NAALADL2: variants seen among roughly 807,000 people sequenced by gnomAD.
NAALADL2 encodes inactive N-acetylated-alpha-linked acidic dipeptidase-like protein 2.
NAALADL2 carries 76 observed loss-of-function variants against 87.2 expected under a neutral mutation model. The ratio of observed to expected loss-of-function variants is 0.87; its 90% confidence interval spans 0.72 to 1.05. The LOEUF (loss-of-function observed/expected upper bound fraction) is 1.05. Ranked by LOEUF, NAALADL2 falls within the 50% of genes least tolerant of loss-of-function variation. The pLI is 0.00. For missense variants in NAALADL2, 1,089 were observed against 945.8 expected (o/e 1.15, Z -1.99); for synonymous variants, 354 against 331.0 (o/e 1.07, Z -0.75).
intron 11 of NAALADL2, among the ~76,000 whole-genome samples, chr3:175,650,493 T>A (rs1297053967): frequency 1.3e-5 from 2 of 152,208 alleles, no homozygotes; most frequent in African/African-American, 4.8e-5. Flanking sequence ...TTGTGGTGTA[T>A]AACTATACCT....
At chr3:175,322,417 C>T (rs1348538607) in intron 4 of NAALADL2, among the ~76,000 whole-genome samples, 1 of 108,700 alleles carries the variant, frequency 9.2e-6, no homozygotes, top group Non-Finnish European at 1.8e-5. Flanking sequence ...CCATTCAGGA[C>T]ATAGGCATGG....
chr3:175,422,787 T>C (rs1364078268), intron 5 of NAALADL2, among the ~76,000 whole-genome samples: 1 of 151,906 alleles, frequency 6.6e-6, no homozygotes, highest in Non-Finnish European at 1.5e-5. Flanking sequence ...ATTGAACACA[T>C]AGTTCATTCT....
Position 175,667,231 on chromosome 3 carries a change from G to GAA in NAALADL2, c.1896+39847_1896+39848dup, listed in dbSNP as rs749819390. Among the ~76,000 whole-genome samples the GAA allele has an allele frequency of 3.7e-3, 433 of 116,576 alleles. 2 individuals are homozygous for GAA. Among genetic ancestry groups the GAA allele is most frequent in the African/African-American group, 0.018 (411 of 23,298 alleles). 76.5% of individuals were successfully genotyped at this position (116,576 alleles called of 152,430 possible). On this transcript the variant is annotated intron_variant, in intron 11 of 13. Coordinates refer to ENST00000454872, the MANE Select transcript of NAALADL2 (RefSeq NM_207015.3). ...AGAAAGAAAGAAAGAAAGAAAGAAAGAAAGAAAGAAAAAGAAAGAAAGAAA... is the reference window on the plus strand; with the variant it reads ...AGAAAGAAAGAAAGAAAGAAAGAAAGAAAAAGAAAGAAAAAGAAAGAAAGAAA...
chr3:175,450,394 A>G (rs1462175982), intron 6 of NAALADL2, among the ~76,000 whole-genome samples: 1 of 152,204 alleles, frequency 6.6e-6, no homozygotes, highest in Admixed American at 6.5e-5. Context: ...TTAGTGTCAG[A>G]AAATCTTCAC....
intron 8 of NAALADL2, among the ~76,000 whole-genome samples, chr3:175,469,957 T>G (rs557860381): frequency 6.6e-6 from 1 of 152,248 alleles, no homozygotes; most frequent in South Asian, 2.1e-4. Flanking sequence ...TATGTGCGCT[T>G]AAAATGTTTA....
At chr3:175,376,391 A>G (rs1206621380) in intron 5 of NAALADL2, among the ~76,000 whole-genome samples, 1 of 152,080 alleles carries the variant, frequency 6.6e-6, no homozygotes, top group Non-Finnish European at 1.5e-5. Flanking sequence ...AAGGATATTT[A>G]TAATATAGAA....
At chr3:174,620,422 ATGTGTGTTT>A (rs1262574964) in intron 2 of NAALADL2, among the ~76,000 whole-genome samples, 3 of 137,968 alleles carry the variant, frequency 2.2e-5, no homozygotes, top group Admixed American at 7.1e-5. Context: ...CTTTCAGTTT[ATGTGTGTTT>A]TTTGTTTTGT....
At position 175,181,222 on chromosome 3, in the gene NAALADL2, A is replaced by T. The variant is rs115621706; in HGVS notation, c.546-52709A>T. Among the ~76,000 whole-genome samples the T allele has an allele frequency of 5.4e-3, 814 of 152,146 alleles. 3 individuals carry two copies. Among genetic ancestry groups the T allele is most frequent in the African/African-American group, 0.019 (776 of 41,536 alleles). ...CACAGTGTAGTACCAAACCCCCTGA[A>T]ATCATATATTTGAAAATAGCTAACT... On this transcript the variant is annotated intron_variant, in intron 2 of 13. Coordinates refer to ENST00000454872, the MANE Select transcript of NAALADL2 (RefSeq NM_207015.3).
chr3:175,306,269 C>T (rs1003845594), intron 4 of NAALADL2, among the ~76,000 whole-genome samples: 2 of 152,068 alleles, frequency 1.3e-5, no homozygotes, highest in African/African-American at 4.8e-5. Flanking sequence ...GAAAATGATG[C>T]TATTTTACAT....
chr3:175,322,183 G>A lies in NAALADL2; in HGVS notation c.940-1992G>A, dbSNP rs972775529. On this transcript the variant is annotated intron_variant, in intron 4 of 13. Coordinates refer to ENST00000454872, the MANE Select transcript of NAALADL2 (RefSeq NM_207015.3). ...GAACAGAGCCCTCAGAAATAATGCC[G>A]CATACCTACAACTATCTGATCTTTG... 1.5e-3 allele frequency among the ~76,000 whole-genome samples: 223 copies of A among 150,990 alleles called. 2 individuals are homozygous for A. Among genetic ancestry groups the A allele is most frequent in the Admixed American group, 3.6e-3 (55 of 15,168 alleles).
chr3:174,875,466 T>C (rs1429015386), intron 1 of NAALADL2, among the ~76,000 whole-genome samples: 2 of 152,190 alleles, frequency 1.3e-5, no homozygotes, highest in Non-Finnish European at 2.9e-5. Flanking sequence ...TTTTTATGTT[T>C]ATGTACCTTT....
At chr3:174,933,587 A>T (rs1355623540) in intron 1 of NAALADL2, among the ~76,000 whole-genome samples, 1 of 152,222 alleles carries the variant, frequency 6.6e-6, no homozygotes, top group Non-Finnish European at 1.5e-5. Flanking sequence ...AATCATCAGT[A>T]TAATTAAGAT....
intron 2 of NAALADL2, among the ~76,000 whole-genome samples, chr3:175,202,048 T>A (rs1740117638): frequency 6.6e-6 from 1 of 151,846 alleles, no homozygotes. Context: ...CATTACTATT[T>A]ATTTTTTTTT....
chr3:175,202,072 C>G (rs915808402), intron 2 of NAALADL2, among the ~76,000 whole-genome samples: 1 of 151,830 alleles, frequency 6.6e-6, no homozygotes, highest in Admixed American at 6.6e-5. Flanking sequence ...CATACGAAAA[C>G]TAAGGCACAG....
rs114906781 is a variant in NAALADL2, at chr3:174,521,670, A to T, written c.-183-28899A>T. On this transcript the variant is annotated intron_variant, in intron 1 of 3. Coordinates refer to the NAALADL2 transcript ENST00000434257. The stretch of plus-strand genomic sequence containing the variant: ...GGCCTATAGGTAATTATCCTCAGTG[A>T]AATAACTCAGAAACAGAAAATCAAA... Among the ~76,000 whole-genome samples, 1,133 of 152,150 alleles carry T rather than the reference A, an allele frequency of 7.4e-3. 5 individuals carry two copies. The highest frequency in any genetic ancestry group is 0.012 in the Non-Finnish European group (802 of 67,988).
chr3:174,500,210 A>T (rs1237444524), intron 1 of NAALADL2, among the ~76,000 whole-genome samples: 11 of 152,150 alleles, frequency 7.2e-5, no homozygotes, highest in African/African-American at 2.6e-4. Context: ...TCTAAATTCG[A>T]ATTTCTGATT....
At chr3:175,298,921 A>G (rs1397705566) in intron 4 of NAALADL2, among the ~76,000 whole-genome samples, 2 of 152,182 alleles carry the variant, frequency 1.3e-5, no homozygotes, top group Admixed American at 6.6e-5. Context: ...TTGGGGCTAT[A>G]TATTGGAACA....
At chr3:174,480,420 C>G (rs1421354999) in intron 1 of NAALADL2, among the ~76,000 whole-genome samples, 1 of 152,042 alleles carries the variant, frequency 6.6e-6, no homozygotes, top group African/African-American at 2.4e-5. Context: ...TGGTCCCACC[C>G]TACCCACCTG....
chr3:175,770,891 A>T (rs1265588938), intron 13 of NAALADL2, among the ~76,000 whole-genome samples: 1 of 152,158 alleles, frequency 6.6e-6, no homozygotes, highest in Non-Finnish European at 1.5e-5. Flanking sequence ...CTGTGTTTCC[A>T]ATTTCTCTTT....
Sources: allele counts gnomAD v4.1 joint callset (sites outside exome capture counted in the v4.1 genomes callset), GRCh38; gene constraint gnomAD v4.1.1; transcripts MANE v1.5; gene names NCBI Gene and HGNC (gene_info 2026-07-23, HGNC 2026-07-21).